The following NEDD4L variants were observed in gnomAD, a reference collection of about 807,000 sequenced individuals.
NEDD4L encodes the protein E3 ubiquitin-protein ligase NEDD4-like.
In NEDD4L, 54 loss-of-function variants were observed where a neutral mutation model predicts 148.9. The observed-to-expected ratio is 0.36, with a 90% CI of 0.29 to 0.45. The LOEUF is 0.45. Ranked by LOEUF, NEDD4L falls within the 20% of genes least tolerant of loss-of-function variation. The pLI, the probability that NEDD4L is intolerant of heterozygous loss-of-function variation, is 1.00. For missense variants in NEDD4L, 856 were observed against 1,233.8 expected (o/e 0.69, Z 4.59); for synonymous variants, 433 against 440.7 (o/e 0.98, Z 0.22).
At chr18:58,372,121 T>C (rs951885833) in intron 23 of NEDD4L, 1 of 152,296 alleles carries the variant, frequency 6.6e-6, no homozygotes, top group South Asian at 2.1e-4. Context: ...TTTTACTTAT[T>C]TATTTTTTTG....
chr18:58,169,215 C>G (rs550219039), intron 2 of NEDD4L, among the ~76,000 whole-genome samples: 121 of 152,140 alleles, frequency 8.0e-4, no homozygotes, highest in African/African-American at 2.8e-3. Context: ...CCAGCCAAGT[C>G]TCACTTTATT....
At chr18:58,329,917 A>G (rs1386418380) in intron 10 of NEDD4L, among the ~76,000 whole-genome samples, 2 of 152,186 alleles carry the variant, frequency 1.3e-5, no homozygotes, top group African/African-American at 4.8e-5. Flanking sequence ...GAGCTGTTGA[A>G]TGAGCCCTGT....
At chr18:58,273,092 T>C (rs1040863719) in intron 5 of NEDD4L, among the ~76,000 whole-genome samples, 13 of 152,170 alleles carry the variant, frequency 8.5e-5, no homozygotes, top group Admixed American at 6.5e-5. Context: ...CCAAAGGTCC[T>C]GCGCTGGGAA....
At chr18:58,115,695 A>T (rs1446415191) in intron 1 of NEDD4L, among the ~76,000 whole-genome samples, 1 of 152,178 alleles carries the variant, frequency 6.6e-6, no homozygotes, top group Non-Finnish European at 1.5e-5. Flanking sequence ...GGGAATGTGC[A>T]TCCTCTCTTG....
intron 1 of NEDD4L, among the ~76,000 whole-genome samples, chr18:58,070,394 A>C (rs1040399946): frequency 2.6e-5 from 4 of 152,040 alleles, no homozygotes; most frequent in Admixed American, 2.6e-4. Context: ...TCAGCTTCCC[A>C]AGTAGGTGGG....
chr18:58,133,626 T>C (rs1009303625), intron 1 of NEDD4L, among the ~76,000 whole-genome samples: 4 of 152,308 alleles, frequency 2.6e-5, no homozygotes, highest in Non-Finnish European at 5.9e-5. Context: ...ATACGTATAA[T>C]GCAGCAAACA....
chr18:58,388,845 A>G, intron 27 of NEDD4L: 1 of 532,084 alleles, frequency 1.9e-6, no homozygotes. Context: ...TTTATATCCG[A>G]TACGACATGC....
chr18:58,084,671 TTGTGTGTGTGTG>T (rs55916532), intron 1 of NEDD4L, among the ~76,000 whole-genome samples: 11 of 133,738 alleles, frequency 8.2e-5, no homozygotes, highest in African/African-American at 1.7e-4. Context: ...TGTGGGGTTT[TTGTGTGTGTGTG>T]TGTGTGTGTG....
In NEDD4L at chr18:58,214,643, G is replaced by T. The variant is rs868239789; in HGVS notation, c.123-30784G>T. 6.6e-4 allele frequency among the ~76,000 whole-genome samples: 90 copies of T among 135,654 alleles called. 1 individual carries two copies. The East Asian group carries it at 7.3e-3, about 11-fold the overall frequency. The allele number at this position is 135,654 out of a possible 152,430, so 89.0% of individuals were successfully genotyped here. On this transcript the variant is annotated intron_variant, in intron 2 of 30. Transcript: ENST00000400345. ...TGTGTGTGTGTGTGTGTGTGTGTGT[G>T]TTTTGTTGTTGTTGTTGTTTTAAAC...
intron 1 of NEDD4L, among the ~76,000 whole-genome samples, chr18:58,140,638 T>C (rs914701077): frequency 6.6e-6 from 1 of 152,274 alleles, no homozygotes; most frequent in Admixed American, 6.5e-5. Flanking sequence ...GTGGATTCTT[T>C]TGTCCATTTC....
chr18:58,215,738 A>G (rs945878873), intron 2 of NEDD4L, among the ~76,000 whole-genome samples: 5 of 152,236 alleles, frequency 3.3e-5, no homozygotes, highest in Admixed American at 6.5e-5. Context: ...AACAGAAAAA[A>G]CAACAGAAAG....
At chr18:58,062,844 C>T (rs1026653474) in intron 1 of NEDD4L, among the ~76,000 whole-genome samples, 20 of 151,894 alleles carry the variant, frequency 1.3e-4, no homozygotes, top group Non-Finnish European at 2.4e-4. Flanking sequence ...AAAAATTAGC[C>T]GGGCCTTGTG....
At chr18:58,201,713 G>T (rs1183080920) in intron 2 of NEDD4L, among the ~76,000 whole-genome samples, 1 of 152,176 alleles carries the variant, frequency 6.6e-6, no homozygotes, top group Non-Finnish European at 1.5e-5. Context: ...TATTTGTTCT[G>T]GGATTATCCC....
intron 5 of NEDD4L, among the ~76,000 whole-genome samples, chr18:58,253,499 G>T (rs1310427274): frequency 6.6e-6 from 1 of 152,178 alleles, no homozygotes; most frequent in East Asian, 1.9e-4. Context: ...TGTGAAATTG[G>T]ATGAGAGATT....
At chr18:58,144,285 G>A (rs1175986562) in intron 1 of NEDD4L, among the ~76,000 whole-genome samples, 2 of 152,118 alleles carry the variant, frequency 1.3e-5, no homozygotes, top group African/African-American at 4.8e-5. Flanking sequence ...CGGCTACTGG[G>A]GAGGCCTCAG....
At position 58,325,041 on chromosome 18, in the gene NEDD4L, C is replaced by G; in HGVS notation, c.559C>G (p.Gln187Glu). 2 of 1,613,978 alleles carry G rather than the reference C, an allele frequency of 1.2e-6. No homozygotes were observed. The highest frequency in any genetic ancestry group is 2.2e-5 in the South Asian group (2 of 91,082). ...VDSNDSASQH[Q>E]EELPPPPLPP... is the part of the protein sequence containing the mutation. ...CTCAAATGACTCGGCTTCTCAGCAC[C>G]AAGAGGAACTTCCTCCTCCTCCTCT... The change falls in exon 9 of 31, where the codon CAA becomes GAA. Residue 187 changes from glutamine (Q) to glutamate (E), a missense_variant. Transcript: ENST00000400345.
chr18:58,365,851 C>G (rs2046051396), intron 20 of NEDD4L, 148 bp from the exon 21 acceptor site: 6 of 603,938 alleles, frequency 9.9e-6, no homozygotes, highest in Admixed American at 3.0e-5. Context: ...GGGAAAACCC[C>G]TAAAGGAGAG....
In NEDD4L at chr18:58,044,248, C is replaced by G. The variant is rs998761598; in HGVS notation, c.-413C>G. The G allele has an allele frequency of 2.7e-5, 4 of 150,348 alleles. No individual in the cohort carries two copies. Among genetic ancestry groups the G allele is most frequent in the Non-Finnish European group, 4.5e-5 (3 of 67,328 alleles). The allele number at this position is 150,348 out of a possible 1,614,324, so 9.3% of individuals were successfully genotyped here. On this transcript the variant is annotated 5_prime_UTR_variant, in exon 1 of 31. Transcript: ENST00000400345. ...GGAGAGAGCGGGGGCCCGGACGGCG[C>G]TAGCGAGGAGGCGGGCGAGCCGGGT...
At position 58,342,891 on chromosome 18, in the gene NEDD4L, A is replaced by G; in HGVS notation, c.1378-15A>G. On this transcript the variant is annotated splice_polypyrimidine_tract_variant and intron_variant, in intron 15 of 30. Coordinates refer to ENST00000400345, the MANE Select transcript of NEDD4L (RefSeq NM_001144967.3). ...CACATGCTAAAGAGTTCTAATCCTC[A>G]TTGTTATTCTTTAGGGTGCCAAGGA... is the stretch of plus-strand genomic sequence containing the variant. The G allele has an allele frequency of 6.3e-7, 1 of 1,584,708 alleles. No individual in the cohort carries two copies. The highest frequency in any genetic ancestry group is 8.6e-7 in the Non-Finnish European group (1 of 1,164,366).
Sources: allele counts gnomAD v4.1 joint callset (sites outside exome capture counted in the v4.1 genomes callset), GRCh38; gene constraint gnomAD v4.1.1; transcripts MANE v1.5; gene names NCBI Gene and HGNC (gene_info 2026-07-23, HGNC 2026-07-21).